DNMBP: variants seen among roughly 807,000 people sequenced by gnomAD.
DNMBP encodes the protein dynamin-binding protein.
A neutral mutation model predicts 150.0 loss-of-function variants in DNMBP; 87 were observed. The observed-to-expected ratio is 0.58, with a 90% CI of 0.49 to 0.69. DNMBP has a LOEUF of 0.69. Among genes scored for constraint, DNMBP ranks in the 30% least tolerant of loss-of-function variants. The probability of loss-of-function intolerance (pLI) is 0.00; values close to 1 mark genes in which losing one functional copy is unlikely to be tolerated. For synonymous variants in DNMBP, 711 were observed against 750.4 expected (o/e 0.95, Z 0.86); for missense variants, 1,774 against 1,949.0 (o/e 0.91, Z 1.69).
intron 1 of DNMBP, among the ~76,000 whole-genome samples, chr10:99,994,923 TTTTG>T (rs370285048): frequency 1.3e-4 from 20 of 152,016 alleles, no homozygotes; most frequent in African/African-American, 2.9e-4. Context: ...TTAAAAATGG[TTTTG>T]TTTGTTTGTT....
intron 4 of DNMBP, among the ~76,000 whole-genome samples, chr10:99,921,433 T>C (rs1434823487): frequency 6.6e-6 from 1 of 152,208 alleles, no homozygotes; most frequent in Non-Finnish European, 1.5e-5. Context: ...CCAAGTACTA[T>C]GTTAGATTCT....
chr10:99,883,155 G>GTTCTGAAAAAAATCCTTGT (rs71009781), intron 15 of DNMBP, among the ~76,000 whole-genome samples: 1 of 151,970 alleles, frequency 6.6e-6, no homozygotes, highest in African/African-American at 2.4e-5. Context: ...TGGCAAAAGT[G>GTTCTGAAAAAAATCCTTGT]TTTTTAGAGC....
rs2040307656 is a variant in DNMBP, at chr10:99,942,139, C to CAGA, written c.2260+13074_2260+13075insTCT. Among the ~76,000 whole-genome samples the CAGA allele has an allele frequency of 3.3e-5, 5 of 152,298 alleles. No individual in the cohort carries two copies. The South Asian group carries it at 1.0e-3, about 32-fold the overall frequency. On this transcript the variant is annotated intron_variant, in intron 4 of 16. Coordinates refer to ENST00000324109, the MANE Select transcript of DNMBP (RefSeq NM_015221.4). ...CATACTCTCATTCTTGCTGTCTTAT[C>CAGA]TGTCTGGAACGATGCCTCCCACCCC...
At chr10:99,968,019 ATTAT>A (rs2040637364) in intron 3 of DNMBP, among the ~76,000 whole-genome samples, 1 of 152,064 alleles carries the variant, frequency 6.6e-6, no homozygotes. Flanking sequence ...ATATTTATGT[ATTAT>A]TTATTTGAGA....
At chr10:99,898,628 G>C in intron 8 of DNMBP, 115 bp downstream of exon 8, 1 of 1,120,794 alleles carries the variant, frequency 8.9e-7, no homozygotes, top group South Asian at 1.3e-5. Flanking sequence ...AACCCAGCAA[G>C]GTGAGTCTAC....
chr10:99,940,583 G>A lies in DNMBP; in HGVS notation c.2260+14631C>T, dbSNP rs905197084. On this transcript the variant is annotated intron_variant, in intron 4 of 16. Coordinates refer to ENST00000324109, the MANE Select transcript of DNMBP (RefSeq NM_015221.4). Reference sequence around the variant, plus strand: ...GGATCAGTCCCGTAAACTTATGAACGCGTACTAATGTTTCTCATCTTACAA... The same window carrying A: ...GGATCAGTCCCGTAAACTTATGAACACGTACTAATGTTTCTCATCTTACAA... 2.6e-5 allele frequency among the ~76,000 whole-genome samples: 4 copies of A among 152,078 alleles called. No homozygotes were observed. In the South Asian group the frequency reaches 6.2e-4, roughly 24 times the overall value.
At chr10:100,006,057 A>G (rs375352391) in intron 1 of DNMBP, among the ~76,000 whole-genome samples, 4 of 152,216 alleles carry the variant, frequency 2.6e-5, no homozygotes, top group African/African-American at 9.6e-5. Context: ...CAATTTTCCA[A>G]ACAACAAAAG....
At chr10:99,979,179 A>C (rs1400639897) in intron 1 of DNMBP, among the ~76,000 whole-genome samples, 1 of 152,136 alleles carries the variant, frequency 6.6e-6, no homozygotes, top group Non-Finnish European at 1.5e-5. Context: ...TCATTTGATG[A>C]CCCTTCACCC....
Position 99,877,373 on chromosome 10 carries a change from G to T in DNMBP, c.4549-37C>A, listed in dbSNP as rs2039293121. On this transcript the variant is annotated intron_variant, in intron 16 of 16. Coordinates refer to ENST00000324109, the MANE Select transcript of DNMBP (RefSeq NM_015221.4). ...AGAGAGAGAAAATGGGAAATTGCTGGGAGCAATGCCATCCAACAGCTTCGT... is the reference window on the plus strand; with the variant it reads ...AGAGAGAGAAAATGGGAAATTGCTGTGAGCAATGCCATCCAACAGCTTCGT... 3 of 1,543,510 alleles carry T rather than the reference G, an allele frequency of 1.9e-6. No homozygotes were observed. The South Asian group carries it at 3.7e-5, about 19-fold the overall frequency.
intron 1 of DNMBP, among the ~76,000 whole-genome samples, chr10:100,000,499 G>A (rs973255217): frequency 6.6e-6 from 1 of 152,152 alleles, no homozygotes; most frequent in Non-Finnish European, 1.5e-5. Flanking sequence ...GGAGGGGCTA[G>A]AACAGATGCA....
At chr10:99,995,213 C>T (rs1434641692) in intron 1 of DNMBP, among the ~76,000 whole-genome samples, 4 of 151,984 alleles carry the variant, frequency 2.6e-5, no homozygotes, top group Admixed American at 6.6e-5. Context: ...CCATCACGCT[C>T]AGCTAATTTT....
intron 1 of DNMBP, among the ~76,000 whole-genome samples, chr10:99,999,733 A>G (rs2040989718): frequency 1.3e-5 from 2 of 152,230 alleles, no homozygotes; most frequent in South Asian, 4.1e-4. Context: ...TGCAGAGTAT[A>G]TGTAGGGTTG....
intron 7 of DNMBP, among the ~76,000 whole-genome samples, chr10:99,899,566 C>T (rs1189482509): frequency 6.6e-6 from 1 of 152,090 alleles, no homozygotes; most frequent in East Asian, 1.9e-4. Flanking sequence ...TGTGCCACTG[C>T]ATGCTGACCT....
At chr10:99,993,795 CCT>C (rs1452541696) in intron 1 of DNMBP, among the ~76,000 whole-genome samples, 1 of 151,856 alleles carries the variant, frequency 6.6e-6, no homozygotes, top group Non-Finnish European at 1.5e-5. Context: ...AAAGCAAGAC[CCT>C]GTCTTTAAAA....
chr10:99,910,198 C>T (rs552309994), intron 4 of DNMBP, among the ~76,000 whole-genome samples: 50 of 152,374 alleles, frequency 3.3e-4, no homozygotes, highest in Non-Finnish European at 5.9e-4. Flanking sequence ...TCGGCCTTCA[C>T]AGCAGATTTT....
At chr10:99,963,456 G>A (rs2805491) in intron 3 of DNMBP, among the ~76,000 whole-genome samples, 6 of 152,238 alleles carry the variant, frequency 3.9e-5, no homozygotes, top group South Asian at 4.1e-4. Flanking sequence ...TTCCCCTGGG[G>A]TCCTAGGTGA....
chr10:99,996,249 G>A (rs1394728643), intron 1 of DNMBP, among the ~76,000 whole-genome samples: 2 of 152,178 alleles, frequency 1.3e-5, no homozygotes, highest in African/African-American at 2.4e-5. Context: ...GGCTGGGGGC[G>A]GTGGTTCACA....
chr10:99,913,143 T>C (rs1206911483), intron 4 of DNMBP, among the ~76,000 whole-genome samples: 1 of 151,962 alleles, frequency 6.6e-6, no homozygotes, highest in Admixed American at 6.6e-5. Context: ...AAAAATTAAA[T>C]TTTTAGTATC....
intron 1 of DNMBP, among the ~76,000 whole-genome samples, chr10:99,973,471 A>C (rs2040698980): frequency 6.6e-6 from 1 of 152,248 alleles, no homozygotes; most frequent in African/African-American, 2.4e-5. Flanking sequence ...GAGATTTTAA[A>C]TATGGCATTT....
Sources: gnomAD v4.1 joint callset for allele counts (sites outside exome capture counted in the v4.1 genomes callset) on GRCh38, gnomAD v4.1.1 for gene constraint, MANE v1.5 for transcripts, NCBI Gene and HGNC (gene_info 2026-07-23, HGNC 2026-07-21) for gene names.